Variants in RSF1 observed in about 807,000 individuals in gnomAD.
RSF1 encodes HBV pX-associated protein 8.
Under a neutral mutation model 145.2 loss-of-function variants are expected in RSF1, and 13 were observed. That is an observed-to-expected ratio of 0.09 (90% CI 0.06 to 0.14). RSF1 has a LOEUF of 0.14. RSF1 is among the 10% of genes least tolerant of loss of function. The pLI, the probability that RSF1 is intolerant of heterozygous loss-of-function variation, is 1.00. For synonymous variants in RSF1, 577 were observed against 592.6 expected (o/e 0.97, Z 0.38); for missense variants, 1,517 against 1,718.2 (o/e 0.88, Z 2.07).
intron 2 of RSF1, among the ~76,000 whole-genome samples, chr11:77,756,105 C>A (rs1291001630): frequency 6.6e-6 from 1 of 152,040 alleles, no homozygotes; most frequent in Non-Finnish European, 1.5e-5. Context: ...CACCTGTAAT[C>A]CCAGCACTTT....
At chr11:77,693,229 C>G (rs79577380) in intron 8 of RSF1, among the ~76,000 whole-genome samples, 2,051 of 151,722 alleles carry the variant, frequency 0.014, 44 homozygotes, top group African/African-American at 0.044. Context: ...ATCCTTCCTT[C>G]TACATATCTA....
chr11:77,803,466 A>C (rs1948646271), intron 1 of RSF1, among the ~76,000 whole-genome samples: 1 of 151,314 alleles, frequency 6.6e-6, no homozygotes, highest in Non-Finnish European at 1.5e-5. Flanking sequence ...TTCTATCACA[A>C]AACAAATACC....
chr11:77,759,185 T>TA (rs1398408514), intron 2 of RSF1, among the ~76,000 whole-genome samples: 1 of 152,206 alleles, frequency 6.6e-6, no homozygotes, highest in East Asian at 1.9e-4. Flanking sequence ...AATAAGTATT[T>TA]TATACTATAG....
rs139840785 is a variant in RSF1, at chr11:77,691,167, G to A, written c.2892C>T (p.Ala964=). The change falls in exon 9 of 16, where the codon GCC becomes GCT. Residue 964 remains alanine (A), a synonymous_variant. Transcript: ENST00000308488. The part of the protein sequence containing the change: ...LDVALKKKER[A]ERRKERLVYV... The stretch of plus-strand genomic sequence containing the variant: ...CACACATATAAAAATACCTTCGTTC[G>A]GCACGCTCTTTCTTCTTTAAGGCAA... The A allele has an allele frequency of 5.6e-6, 9 of 1,613,574 alleles. No individual in the cohort carries two copies. The African/African-American group carries it at 8.0e-5, about 14-fold the overall frequency.
At chr11:77,705,939 A>G (rs1960538010) in intron 5 of RSF1, among the ~76,000 whole-genome samples, 1 of 152,206 alleles carries the variant, frequency 6.6e-6, no homozygotes, top group South Asian at 2.1e-4. Flanking sequence ...CAAGTGTTTT[A>G]TACTATTTTT....
chr11:77,871,263 A>G, the RSF1 span, among the ~76,000 whole-genome samples: 1 of 152,212 alleles, frequency 6.6e-6, no homozygotes, highest in Middle Eastern at 3.2e-3. Flanking sequence ...ATTAAAATCT[A>G]TTTTTAAAAA....
Position 77,672,106 on chromosome 11 carries a change from A to T in RSF1, c.3687T>A (p.Ser1229Arg), listed in dbSNP as rs777925205. ...GCCTTATTTCTTTACCACGTCGCAA[A>T]CTCTTCTGGGAACCGTCACTTTCTG... Reference protein sequence around the residue: ...EDSESDGSQKSLRRGKEIRRV... With the variant: ...EDSESDGSQKRLRRGKEIRRV... Residue 1229 changes from serine (S) to arginine (R), a missense_variant, in exon 15 of 16, where the codon AGT becomes AGA. This residue lies in a region of RSF1 where 240 missense variants were observed against 231.8 expected (regional missense o/e 1.04). Coordinates refer to ENST00000308488, the MANE Select transcript of RSF1 (RefSeq NM_016578.4). 1 of 1,613,712 alleles carries T rather than the reference A, an allele frequency of 6.2e-7. No homozygotes were observed.
chr11:77,824,854 G>T (rs1348593315), upstream of RSF1, among the ~76,000 whole-genome samples: 1 of 152,166 alleles, frequency 6.6e-6, no homozygotes, highest in Non-Finnish European at 1.5e-5. Flanking sequence ...TTCAATTTTA[G>T]AAGTTAATGG....
chr11:77,778,200 A>AG (rs1948365777), intron 1 of RSF1, among the ~76,000 whole-genome samples: 1 of 10,114 alleles, frequency 9.9e-5, no homozygotes, highest in African/African-American at 5.0e-4. Context: ...GGGGGAGGGA[A>AG]GGGGAGAGGA....
chr11:77,766,943 A>T (rs1401507284), intron 1 of RSF1, among the ~76,000 whole-genome samples: 1 of 152,214 alleles, frequency 6.6e-6, no homozygotes, highest in Non-Finnish European at 1.5e-5. Context: ...GGTGGTACAG[A>T]GAGAAGTGGA....
At chr11:77,755,127 A>C (rs1199174844) in intron 2 of RSF1, among the ~76,000 whole-genome samples, 1 of 152,250 alleles carries the variant, frequency 6.6e-6, no homozygotes, top group Non-Finnish European at 1.5e-5. Context: ...ATTTTAAATA[A>C]GGGGAAAATA....
the RSF1 span, among the ~76,000 whole-genome samples, chr11:77,865,704 G>C: frequency 6.6e-6 from 1 of 152,044 alleles, no homozygotes. Context: ...GCAGACTTTT[G>C]GAAAAGATTT....
chr11:77,865,040 C>A, the RSF1 span, among the ~76,000 whole-genome samples: 2 of 152,138 alleles, frequency 1.3e-5, no homozygotes, highest in African/African-American at 2.4e-5. Flanking sequence ...CTTCTCTGGA[C>A]CCATATAGTT....
intron 1 of RSF1, among the ~76,000 whole-genome samples, chr11:77,793,756 G>A (rs920359945): frequency 9.2e-5 from 14 of 152,132 alleles, no homozygotes; most frequent in Admixed American, 6.6e-4. Context: ...CTCCATGTGC[G>A]TCCCTCCAGA....
chr11:77,777,234 T>C (rs1173085635), intron 1 of RSF1, among the ~76,000 whole-genome samples: 1 of 152,188 alleles, frequency 6.6e-6, no homozygotes, highest in African/African-American at 2.4e-5. Flanking sequence ...ATAACCATAA[T>C]ACCATTATGA....
chr11:77,820,424 A>T (rs1289464026), intron 1 of RSF1, 104 bp downstream of exon 1: 5 of 1,223,358 alleles, frequency 4.1e-6, no homozygotes, highest in Non-Finnish European at 5.6e-6. Context: ...GGGAAGACAG[A>T]GCCGCGGAGG....
intron 2 of RSF1, among the ~76,000 whole-genome samples, chr11:77,758,154 A>G (rs1424355015): frequency 6.6e-6 from 1 of 152,016 alleles, no homozygotes; most frequent in Non-Finnish European, 1.5e-5. Context: ...AAAAAAAAAA[A>G]AAGAAGGTAG....
At chr11:77,751,119 C>CT (rs1170352378) in intron 2 of RSF1, among the ~76,000 whole-genome samples, 1 of 152,020 alleles carries the variant, frequency 6.6e-6, no homozygotes, top group Non-Finnish European at 1.5e-5. Flanking sequence ...AGGAAGGGAG[C>CT]TTTTTTAAAG....
chr11:77,815,390 A>C (rs564819362), intron 1 of RSF1, among the ~76,000 whole-genome samples: 120 of 152,360 alleles, frequency 7.9e-4, no homozygotes, highest in African/African-American at 2.7e-3. Context: ...AACAGAAAAC[A>C]AACAAAAAAA....
Sources: allele counts gnomAD v4.1 joint callset (sites outside exome capture counted in the v4.1 genomes callset), GRCh38; gene constraint gnomAD v4.1.1; regional missense constraint gnomAD v4.1.1; transcripts MANE v1.5; gene names NCBI Gene and HGNC (gene_info 2026-07-23, HGNC 2026-07-21).